PAXIP1: variants seen among roughly 807,000 people sequenced by gnomAD.
PAXIP1 encodes PAX interacting protein 1, also known as PAX-interacting protein 1.
Under a neutral mutation model 140.6 loss-of-function variants are expected in PAXIP1, and 19 were observed. That is an observed-to-expected ratio of 0.14 (90% CI 0.09 to 0.20). The LOEUF (loss-of-function observed/expected upper bound fraction) is 0.20, where lower values mean the gene tolerates loss of function less well. Ranked by LOEUF, PAXIP1 falls within the 10% of genes least tolerant of loss-of-function variation. The pLI is 1.00. For synonymous variants in PAXIP1, 442 were observed against 444.6 expected, an observed-to-expected ratio of 0.99 and a Z score of 0.07; for missense variants, 920 against 1,208.6, an observed-to-expected ratio of 0.76 and a Z score of 3.54.
At position 154,959,896 on chromosome 7, in the gene PAXIP1, C is replaced by A. The variant is rs1250715144; in HGVS notation, c.2472G>T (p.Leu824Phe). Residue 824 changes from leucine to phenylalanine, a missense_variant, in exon 13 of 21, where the codon TTG becomes TTT. By Grantham distance (22) the Leu-to-Phe change is conservative (BLOSUM62 0). Around this residue, in one of 5 missense-constraint regions of PAXIP1, gnomAD observed 303 missense variants for 517.9 expected, o/e 0.59. Coordinates refer to ENST00000404141, the MANE Select transcript of PAXIP1 (RefSeq NM_007349.4). ...WRVPLKVSAE[L>F]LMSIRLPPKL... is the part of the protein sequence containing the mutation. ...GGTTATTAATTTGACATACCATCAA[C>A]AACTCTGCAGACACTTTTAAGGGAA... 6.2e-7 allele frequency: 1 copy of A among 1,600,834 alleles called. No homozygotes were observed. The highest frequency in any genetic ancestry group is 8.6e-7 in the Non-Finnish European group (1 of 1,168,252).
intron 3 of PAXIP1, among the ~76,000 whole-genome samples, chr7:154,991,965 T>C (rs1810349587): frequency 6.6e-6 from 1 of 152,184 alleles, no homozygotes; most frequent in Non-Finnish European, 1.5e-5. Flanking sequence ...CTATAAACAT[T>C]TGAGACTTCC....
In PAXIP1 at chr7:154,975,699, T is replaced by C. The variant is rs899595886; in HGVS notation, c.1071A>G (p.Ala357=). ...IQQMNRPSNV[A]HILQTLSAPT... is the part of the protein sequence containing the mutation. ...TTTTTCGGAAAGAGTGACTTACATG[T>C]GCTACATTTGATGGCCGGTTCATCT... Residue 357 remains alanine (A), a synonymous_variant, in exon 6 of 21, where the codon GCA becomes GCG. Transcript: ENST00000404141. The C allele has an allele frequency of 6.2e-7, 1 of 1,601,436 alleles. No individual in the cohort carries two copies. Among genetic ancestry groups the C allele is most frequent in the Non-Finnish European group, 8.6e-7 (1 of 1,169,240 alleles).
At chr7:154,977,482 G>C (rs955065042) in intron 5 of PAXIP1, among the ~76,000 whole-genome samples, 7 of 152,206 alleles carry the variant, frequency 4.6e-5, no homozygotes, top group African/African-American at 1.4e-4. Context: ...TTGGTCATTC[G>C]GTCCTGGCAG....
chr7:154,952,538 G>C (rs1808317815), intron 16 of PAXIP1, among the ~76,000 whole-genome samples: 1 of 152,202 alleles, frequency 6.6e-6, no homozygotes, highest in African/African-American at 2.4e-5. Context: ...GAAAATATGT[G>C]TCTCAGGGAA....
chr7:154,953,108 C>T (rs565436646), intron 16 of PAXIP1, among the ~76,000 whole-genome samples: 3 of 152,232 alleles, frequency 2.0e-5, no homozygotes, highest in African/African-American at 4.8e-5. Flanking sequence ...GATTTAATGA[C>T]GACTTGTGTC....
At position 154,995,616 on chromosome 7, in the gene PAXIP1, A is replaced by G. The variant is rs574217246; in HGVS notation, c.217-1847T>C. ...TGTAATCTCAGCACTTTGGGAGGCC[A>G]AGGCGGGCGGATCACTTGAGGTGAC... On this transcript the variant is annotated intron_variant, in intron 2 of 20. Transcript: ENST00000404141. Among the ~76,000 whole-genome samples, 15 of 152,350 alleles carry G rather than the reference A, an allele frequency of 9.8e-5. No homozygotes were observed. In the South Asian group the frequency reaches 1.7e-3, roughly 17 times the overall value.
rs1040437646 is a variant in PAXIP1 at position 154,973,928 on chromosome 7, T to A, written c.1074+1768A>T. Reference sequence around the variant, plus strand: ...ACAAGGTGAAGCGGCAGACGGGGTGTCACCATCAGATGGAACAGCCCAGCT... The same window carrying A: ...ACAAGGTGAAGCGGCAGACGGGGTGACACCATCAGATGGAACAGCCCAGCT... On this transcript the variant is annotated intron_variant, in intron 6 of 20. Transcript: ENST00000404141. This position sits in a 1 kb window ranked among gnomAD's most constrained non-coding sequence, Gnocchi z 4.0. 1.3e-5 allele frequency among the ~76,000 whole-genome samples: 2 copies of A among 152,122 alleles called. No individual in the cohort carries two copies. Among genetic ancestry groups the A allele is most frequent in the Admixed American group, 6.5e-5 (1 of 15,272 alleles).
intron 2 of PAXIP1, among the ~76,000 whole-genome samples, chr7:154,995,797 CGA>C (rs1486590446): frequency 1.3e-5 from 2 of 151,798 alleles, no homozygotes; most frequent in Non-Finnish European, 2.9e-5. Flanking sequence ...TGCAGTGAGT[CGA>C]GATCACACCA....
chr7:154,946,372 A>G lies in PAXIP1; in HGVS notation c.3187T>C (p.Tyr1063His). The G allele has an allele frequency of 6.2e-7, 1 of 1,614,008 alleles. No homozygotes were observed. Among genetic ancestry groups the G allele is most frequent in the Non-Finnish European group, 8.5e-7 (1 of 1,179,864 alleles). Residue 1063 changes from tyrosine to histidine, a missense_variant, in exon 20 of 21, where the codon TAT (tyrosine) becomes CAT (histidine). Around this residue, in one of 5 missense-constraint regions of PAXIP1, gnomAD observed 303 missense variants for 517.9 expected, o/e 0.59. Coordinates refer to ENST00000404141, the MANE Select transcript of PAXIP1 (RefSeq NM_007349.4). This position sits in a 1 kb window ranked among gnomAD's most constrained non-coding sequence, Gnocchi z 4.9. ...CTCTTTTGGAAAGGATATGATTCATAGTCCAGCGTTTGAGTGAGCACTCCA... is the reference window on the plus strand; with the variant it reads ...CTCTTTTGGAAAGGATATGATTCATGGTCCAGCGTTTGAGTGAGCACTCCA... ...LTGVLTQTLD[Y>H]ESYKFN is the part of the protein sequence containing the mutation.
Position 154,944,124 on chromosome 7 carries a change from G to C in PAXIP1, c.*25C>G. 6.2e-7 allele frequency: 1 copy of C among 1,611,712 alleles called. No homozygotes were observed. Among genetic ancestry groups the C allele is most frequent in the South Asian group, 1.1e-5 (1 of 90,496 alleles). ...CAGCCAGCCCCGCACCGCAGGAGTC[G>C]ACATGCACGGCAGCCTAGACGCCAT... On this transcript the variant is annotated 3_prime_UTR_variant, in exon 21 of 21. Coordinates refer to ENST00000404141, the MANE Select transcript of PAXIP1 (RefSeq NM_007349.4).
intron 10 of PAXIP1, 50 bp downstream of exon 10, chr7:154,962,271 C>A (rs1808787798): frequency 6.2e-7 from 1 of 1,601,378 alleles, no homozygotes; most frequent in African/African-American, 1.3e-5. Context: ...TGATTATTCG[C>A]CAAAGTCGAA....
intron 2 of PAXIP1, among the ~76,000 whole-genome samples, chr7:154,997,587 C>G (rs532679697): frequency 5.9e-5 from 9 of 152,300 alleles, no homozygotes; most frequent in Non-Finnish European, 1.2e-4. Flanking sequence ...AAAATCGAAG[C>G]ATTGGAATTA....
intron 4 of PAXIP1, among the ~76,000 whole-genome samples, chr7:154,988,675 A>G (rs1810186585): frequency 1.3e-5 from 2 of 152,186 alleles, no homozygotes; most frequent in South Asian, 4.1e-4. Context: ...TCTCTGAAAA[A>G]TGCCCATAGG....
At chr7:154,999,442 T>C (rs1810786396) in intron 1 of PAXIP1, among the ~76,000 whole-genome samples, 1 of 152,136 alleles carries the variant, frequency 6.6e-6, no homozygotes. Flanking sequence ...AAGGATTGGG[T>C]GGGCTGGCTG....
intron 20 of PAXIP1, chr7:154,944,486 G>A (rs146568527): frequency 5.7e-5 from 11 of 192,622 alleles, no homozygotes; most frequent in Non-Finnish European, 1.2e-4. Flanking sequence ...CCCAAGAGCT[G>A]ACATCCCCAA....
At chr7:154,967,693 C>T (rs1428086652) in intron 8 of PAXIP1, 123 bp downstream of exon 8, 4 of 645,740 alleles carry the variant, frequency 6.2e-6, no homozygotes, top group East Asian at 2.8e-5. Flanking sequence ...TCAAAATGCC[C>T]GTCACACATT....
intron 1 of PAXIP1, among the ~76,000 whole-genome samples, 155 bp downstream of exon 1, chr7:155,002,694 G>A (rs971324928): frequency 3.3e-5 from 5 of 150,680 alleles, no homozygotes; most frequent in African/African-American, 1.2e-4. Context: ...CCCCGCGGTC[G>A]CCCCTGCCCT....
chr7:154,997,166 G>T (rs1203364117), intron 2 of PAXIP1, among the ~76,000 whole-genome samples: 1 of 152,208 alleles, frequency 6.6e-6, no homozygotes, highest in Non-Finnish European at 1.5e-5. Flanking sequence ...TACCAGGGAG[G>T]TCACCACTTC....
At position 154,991,957 on chromosome 7, in the gene PAXIP1, A is replaced by G. The variant is rs116915672; in HGVS notation, c.261-888T>C. ...CTATATGGTTACACAGATGAATCCT[A>G]TAAACATTTGAGACTTCCCTGGCTG... On this transcript the variant is annotated intron_variant, in intron 3 of 20. Transcript: ENST00000404141. 8.3e-4 allele frequency among the ~76,000 whole-genome samples: 127 copies of G among 152,340 alleles called. No individual in the cohort carries two copies. In the East Asian group the frequency reaches 0.013, roughly 15 times the overall value.
Sources: allele counts gnomAD v4.1 joint callset (sites outside exome capture counted in the v4.1 genomes callset), GRCh38; gene constraint gnomAD v4.1.1; regional missense constraint gnomAD v4.1.1; non-coding constraint Gnocchi (gnomAD v3.1); transcripts MANE v1.5; gene names NCBI Gene and HGNC (gene_info 2026-07-23, HGNC 2026-07-21).